The following TMTC1 variants were observed in gnomAD, a reference collection of about 807,000 sequenced individuals.
TMTC1 encodes protein O-mannosyl-transferase TMTC1.
Under a neutral mutation model 104.8 loss-of-function variants are expected in TMTC1, and 73 were observed. The ratio of observed to expected loss-of-function variants is 0.70; its 90% CI spans 0.58 to 0.85. TMTC1 has a LOEUF of 0.85. Ranked by LOEUF, TMTC1 falls within the 40% of genes least tolerant of loss-of-function variation. TMTC1 has a pLI of 0.00. For synonymous variants in TMTC1, 434 were observed against 428.7 expected, an observed-to-expected ratio of 1.01 and a Z score of -0.15; for missense variants, 1,035 against 1,096.1, an observed-to-expected ratio of 0.94 and a Z score of 0.79.
At chr12:29,588,389 C>T (rs1177364007) in intron 7 of TMTC1, among the ~76,000 whole-genome samples, 1 of 152,184 alleles carries the variant, frequency 6.6e-6, no homozygotes, top group African/African-American at 2.4e-5. Flanking sequence ...CTGTGCCTGA[C>T]CACAGTGGCT....
chr12:29,748,694 T>C (rs1943016452), intron 5 of TMTC1, among the ~76,000 whole-genome samples: 1 of 152,200 alleles, frequency 6.6e-6, no homozygotes, highest in Admixed American at 6.5e-5. Flanking sequence ...TGGTACATAG[T>C]AGTTGGATAA....
At chr12:29,660,964 C>T (rs1179471451) in intron 5 of TMTC1, 5 of 772,826 alleles carry the variant, frequency 6.5e-6, no homozygotes, top group Non-Finnish European at 7.2e-6. Flanking sequence ...GAAGACGCTG[C>T]AGCTCTGAAG....
At chr12:29,729,396 C>G (rs1942487754) in intron 5 of TMTC1, among the ~76,000 whole-genome samples, 1 of 152,010 alleles carries the variant, frequency 6.6e-6, no homozygotes, top group African/African-American at 2.4e-5. Flanking sequence ...GTGGTCACAT[C>G]AATAAACTTC....
intron 5 of TMTC1, among the ~76,000 whole-genome samples, chr12:29,695,532 C>T (rs1941390387): frequency 6.6e-6 from 1 of 151,744 alleles, no homozygotes; most frequent in African/African-American, 2.4e-5. Context: ...GTCTCAATCT[C>T]CTGACCTTGT....
Position 29,518,583 on chromosome 12 carries a change from T to C in TMTC1, c.1913A>G (p.His638Arg). Residue 638 changes from histidine (H) to arginine (R), a missense_variant, in exon 13 of 18, where the codon CAT becomes CGT. Coordinates refer to ENST00000539277, the MANE Select transcript of TMTC1 (RefSeq NM_001193451.2). Reference protein sequence around the residue: ...DTGLPEKAVAHYQQAIKLSPS... With the variant: ...DTGLPEKAVARYQQAIKLSPS... ...GCTAAGTTTGATGGCCTGCTGGTAA[T>C]GGGCCACTGCCTTTTCTGGTAAGCC... 1.2e-6 allele frequency: 2 copies of C among 1,614,106 alleles called. No individual in the cohort carries two copies. Among genetic ancestry groups the C allele is most frequent in the Non-Finnish European group, 1.7e-6 (2 of 1,179,960 alleles).
intron 12 of TMTC1, 26 bp downstream of exon 12, chr12:29,520,592 T>C: frequency 6.4e-7 from 1 of 1,558,156 alleles, no homozygotes; most frequent in Non-Finnish European, 8.8e-7. Context: ...ATCTCAGCAG[T>C]ACAGTTTCTC....
chr12:29,772,746 C>G (rs1943622679), intron 1 of TMTC1, among the ~76,000 whole-genome samples: 1 of 152,092 alleles, frequency 6.6e-6, no homozygotes, highest in Admixed American at 6.6e-5. Context: ...ACATGAAATA[C>G]CATCTAAAAA....
intron 5 of TMTC1, among the ~76,000 whole-genome samples, chr12:29,646,854 T>C (rs1274038697): frequency 1.3e-5 from 2 of 152,176 alleles, no homozygotes; most frequent in Non-Finnish European, 2.9e-5. Flanking sequence ...TAGGCTGCTG[T>C]TTGATACAAA....
At chr12:29,613,439 A>G (rs1049942755) in intron 6 of TMTC1, among the ~76,000 whole-genome samples, 1 of 152,188 alleles carries the variant, frequency 6.6e-6, no homozygotes, top group Non-Finnish European at 1.5e-5. Context: ...CATAGGTGTC[A>G]GGGCTTTGAA....
chr12:29,611,177 C>CA (rs35853101), intron 6 of TMTC1, among the ~76,000 whole-genome samples: 34,698 of 130,156 alleles, frequency 0.27, 4,879 homozygotes, highest in East Asian at 0.41. Flanking sequence ...TTCTGAACTT[C>CA]TTTTTTTTTT....
At chr12:29,617,536 C>CAGAGAGAGAGAGAG (rs145115277) in intron 6 of TMTC1, among the ~76,000 whole-genome samples, 1,898 of 134,870 alleles carry the variant, frequency 0.014, 21 homozygotes, top group Middle Eastern at 0.019. Context: ...AAACAGACAA[C>CAGAGAGAGAGAGAG]AGAGAGAGAG....
chr12:29,737,210 G>A (rs1362818021), intron 5 of TMTC1, among the ~76,000 whole-genome samples: 1 of 152,160 alleles, frequency 6.6e-6, no homozygotes, highest in Non-Finnish European at 1.5e-5. Flanking sequence ...AGGCAGAGCA[G>A]CAGCACCCAA....
At chr12:29,759,830 G>A (rs574550278) in intron 2 of TMTC1, among the ~76,000 whole-genome samples, 91 of 151,934 alleles carry the variant, frequency 6.0e-4, no homozygotes, top group Non-Finnish European at 1.1e-3. Context: ...GGATCCCACC[G>A]AACAAACTTA....
chr12:29,583,053 T>G (rs1224820048), intron 8 of TMTC1, among the ~76,000 whole-genome samples: 1 of 152,240 alleles, frequency 6.6e-6, no homozygotes, highest in African/African-American at 2.4e-5. Flanking sequence ...CTCTTCCCTC[T>G]GGCTGTGTGC....
intron 5 of TMTC1, among the ~76,000 whole-genome samples, chr12:29,737,084 C>T (rs1942697256): frequency 1.3e-5 from 2 of 152,252 alleles, no homozygotes; most frequent in Non-Finnish European, 1.5e-5. Flanking sequence ...TGTGACACGT[C>T]GCACCCGACA....
At chr12:29,620,799 C>A (rs1247212194) in intron 6 of TMTC1, among the ~76,000 whole-genome samples, 1 of 152,158 alleles carries the variant, frequency 6.6e-6, no homozygotes, top group Non-Finnish European at 1.5e-5. Flanking sequence ...ACATTATCAG[C>A]ACAGGAAAAA....
intron 3 of TMTC1, among the ~76,000 whole-genome samples, chr12:29,757,684 T>A (rs1449031113): frequency 6.6e-6 from 1 of 152,166 alleles, no homozygotes; most frequent in Non-Finnish European, 1.5e-5. Flanking sequence ...AAGACATACC[T>A]GAGACTGGGC....
chr12:29,512,401 A>C (rs1459211684), intron 16 of TMTC1, among the ~76,000 whole-genome samples: 1 of 152,210 alleles, frequency 6.6e-6, no homozygotes, highest in East Asian at 1.9e-4. Flanking sequence ...ATATCACATC[A>C]TTTTTAACTG....
intron 1 of TMTC1, among the ~76,000 whole-genome samples, chr12:29,779,832 TA>T (rs36103032): frequency 0.88 from 134,308 of 152,038 alleles, 60,627 homozygotes; most frequent in East Asian, 0.99. Context: ...ACTCAACATT[TA>T]AAAAAAACAC....
Sources: allele counts gnomAD v4.1 joint callset (sites outside exome capture counted in the v4.1 genomes callset), GRCh38; gene constraint gnomAD v4.1.1; transcripts MANE v1.5; gene names NCBI Gene and HGNC (gene_info 2026-07-23, HGNC 2026-07-21).